CA10: variants seen among roughly 807,000 people sequenced by gnomAD.
The protein encoded by CA10 is carbonic anhydrase 10 (inactive), also known as carbonic anhydrase-related protein 10.
A neutral mutation model predicts 44.2 loss-of-function variants in CA10; 14 were observed. The ratio of observed to expected loss-of-function variants is 0.32; its 90% CI spans 0.21 to 0.50. CA10 has a LOEUF of 0.50. Among genes scored for constraint, CA10 ranks in the 20% least tolerant of loss-of-function variants. The probability of loss-of-function intolerance (pLI) is 0.99; values close to 1 mark genes in which losing one functional copy is unlikely to be tolerated. For synonymous variants in CA10, 159 were observed against 141.6 expected (o/e 1.12, Z -0.87); for missense variants, 350 against 409.7 (o/e 0.85, Z 1.26).
At chr17:51,823,422 A>C (rs1358843833) in intron 3 of CA10, among the ~76,000 whole-genome samples, 1 of 152,140 alleles carries the variant, frequency 6.6e-6, no homozygotes, top group East Asian at 1.9e-4. Flanking sequence ...TTGGAAAGGA[A>C]TCATGTTCAC....
chr17:51,807,299 C>T (rs1024454069), intron 3 of CA10, among the ~76,000 whole-genome samples: 1 of 152,172 alleles, frequency 6.6e-6, no homozygotes, highest in Non-Finnish European at 1.5e-5. Flanking sequence ...CTGAGGCCCA[C>T]AGAAATGAAA....
intron 1 of CA10, among the ~76,000 whole-genome samples, chr17:52,085,996 T>C (rs528747932): frequency 3.3e-5 from 5 of 152,248 alleles, no homozygotes; most frequent in Non-Finnish European, 5.9e-5. Context: ...TCTTACCATA[T>C]TGTATACAAT....
At chr17:51,810,603 GA>G (rs1376514146) in intron 3 of CA10, among the ~76,000 whole-genome samples, 3 of 152,274 alleles carry the variant, frequency 2.0e-5, no homozygotes, top group African/African-American at 7.2e-5. Context: ...AGCTCAAGAA[GA>G]AGCCCCGGAA....
intron 3 of CA10, among the ~76,000 whole-genome samples, chr17:51,885,462 T>C (rs1331711583): frequency 1.3e-5 from 2 of 151,828 alleles, no homozygotes; most frequent in Non-Finnish European, 2.9e-5. Context: ...TTATTTGCTC[T>C]TTCTCTCCCC....
intron 2 of CA10, among the ~76,000 whole-genome samples, chr17:51,988,085 A>C (rs1984908295): frequency 6.6e-6 from 1 of 152,088 alleles, no homozygotes; most frequent in Non-Finnish European, 1.5e-5. Flanking sequence ...AAGGGAAATG[A>C]GGGAAGAATT....
At chr17:51,740,857 C>T (rs778868599) in intron 4 of CA10, among the ~76,000 whole-genome samples, 13 of 152,192 alleles carry the variant, frequency 8.5e-5, no homozygotes, top group Admixed American at 3.9e-4. Context: ...CTATACTGGC[C>T]ACACTATTTA....
intron 2 of CA10, among the ~76,000 whole-genome samples, chr17:52,027,756 A>G (rs1321323478): frequency 2.0e-5 from 3 of 152,174 alleles, no homozygotes; most frequent in Admixed American, 1.3e-4. Flanking sequence ...AACTCTTTCC[A>G]GAAGTGAGGC....
chr17:51,675,862 G>A (rs1025505463), intron 4 of CA10, among the ~76,000 whole-genome samples: 9 of 152,150 alleles, frequency 5.9e-5, no homozygotes, highest in East Asian at 1.9e-4. Context: ...TGTACCCAAC[G>A]AATAAGATTT....
intron 2 of CA10, among the ~76,000 whole-genome samples, chr17:52,059,486 G>A (rs1987321499): frequency 1.3e-5 from 2 of 151,796 alleles, no homozygotes; most frequent in African/African-American, 2.4e-5. Flanking sequence ...AAAGTCCGGG[G>A]GCACAAAATA....
intron 4 of CA10, among the ~76,000 whole-genome samples, chr17:51,711,202 A>G (rs1915934102): frequency 6.6e-6 from 1 of 152,192 alleles, no homozygotes; most frequent in Non-Finnish European, 1.5e-5. Flanking sequence ...GCAGCGCATT[A>G]ATTTTCAATG....
intron 3 of CA10, among the ~76,000 whole-genome samples, chr17:51,855,943 C>T (rs1363526336): frequency 6.6e-6 from 1 of 152,170 alleles, no homozygotes; most frequent in African/African-American, 2.4e-5. Context: ...AGGATCTGAA[C>T]TGGCTGATTC....
At chr17:52,043,969 A>G (rs904898565) in intron 2 of CA10, among the ~76,000 whole-genome samples, 2 of 151,968 alleles carry the variant, frequency 1.3e-5, no homozygotes, top group African/African-American at 4.8e-5. Context: ...TATTTTGCTG[A>G]GGATTTTTGC....
chr17:52,068,341 T>C (rs991768078), intron 2 of CA10, among the ~76,000 whole-genome samples: 1 of 152,236 alleles, frequency 6.6e-6, no homozygotes, highest in Non-Finnish European at 1.5e-5. Context: ...CTGCCATAAT[T>C]GTAAGTTTCC....
intron 4 of CA10, among the ~76,000 whole-genome samples, chr17:51,663,213 G>GTTTTTTA (rs1914072068): frequency 7.0e-6 from 1 of 142,310 alleles, no homozygotes; most frequent in Non-Finnish European, 1.5e-5. Flanking sequence ...TTTTTTCCCG[G>GTTTTTTA]AACTTGGAAT....
intron 4 of CA10, among the ~76,000 whole-genome samples, chr17:51,656,207 T>C (rs1913786655): frequency 6.6e-6 from 1 of 152,198 alleles, no homozygotes; most frequent in Non-Finnish European, 1.5e-5. Flanking sequence ...AGTTAAAGCA[T>C]GTTCTGAACA....
At chr17:51,928,889 C>T (rs944021513) in intron 3 of CA10, among the ~76,000 whole-genome samples, 6 of 152,148 alleles carry the variant, frequency 3.9e-5, no homozygotes, top group Admixed American at 1.3e-4. Flanking sequence ...TAGTTTATCA[C>T]GACCAACTAT....
At chr17:52,128,966 G>A (rs888722509) in intron 1 of CA10, among the ~76,000 whole-genome samples, 1 of 152,268 alleles carries the variant, frequency 6.6e-6, no homozygotes, top group South Asian at 2.1e-4. Context: ...CACTATTTCA[G>A]TTAGACCCAG....
intron 1 of CA10, among the ~76,000 whole-genome samples, chr17:52,143,069 C>T (rs1018802872): frequency 1.6e-4 from 25 of 152,086 alleles, no homozygotes; most frequent in African/African-American, 6.0e-4. Flanking sequence ...TTTTATCTTC[C>T]TATGAATTAT....
At chr17:51,671,267 A>G (rs1321120155) in intron 4 of CA10, among the ~76,000 whole-genome samples, 1 of 152,036 alleles carries the variant, frequency 6.6e-6, no homozygotes, top group African/African-American at 2.4e-5. Context: ...GCTGTCCCTC[A>G]GGGTTCTCCA....
Sources: gnomAD v4.1 joint callset for allele counts (sites outside exome capture counted in the v4.1 genomes callset) on GRCh38, gnomAD v4.1.1 for gene constraint, MANE v1.5 for transcripts, NCBI Gene and HGNC (gene_info 2026-07-23, HGNC 2026-07-21) for gene names.